Variants in ARHGAP44 observed in about 807,000 individuals in gnomAD.
The protein encoded by ARHGAP44 is Rho GTPase activating protein 44.
Under a neutral mutation model 106.8 loss-of-function variants are expected in ARHGAP44, and 43 were observed. The observed-to-expected ratio is 0.40, with a 90% CI of 0.32 to 0.52. The LOEUF is 0.52. Among genes scored for constraint, ARHGAP44 ranks in the 20% least tolerant of loss-of-function variants. The pLI, the probability that ARHGAP44 is intolerant of heterozygous loss-of-function variation, is 0.48. For missense variants in ARHGAP44, 866 were observed against 1,050.5 expected (o/e 0.82, Z 2.43); for synonymous variants, 439 against 410.3 (o/e 1.07, Z -0.85).
rs1421977965 is a variant in ARHGAP44, at chr17:12,903,138, A to AG, written c.199-5758dup. Among the ~76,000 whole-genome samples the AG allele has an allele frequency of 8.4e-5, 8 of 94,708 alleles. No homozygotes were observed. The Admixed American group carries it at 1.0e-3, about 12-fold the overall frequency. The allele number at this position is 94,708 out of a possible 152,430, so 62.1% of individuals were successfully genotyped here. On this transcript the variant is annotated intron_variant, in intron 3 of 20. Transcript: ENST00000379672. ...AGAGAGAGAGAGAGGAGAGAGAGAG[A>AG]GAGTGTGTGTGTGTGTGTGTGTGTG...
At chr17:12,907,594 G>A (rs1346964768) in intron 3 of ARHGAP44, among the ~76,000 whole-genome samples, 2 of 152,072 alleles carry the variant, frequency 1.3e-5, no homozygotes, top group African/African-American at 4.8e-5. Context: ...TTGTGTCTAG[G>A]TTATTTCACT....
At chr17:12,861,643 A>ATTTTTTTTTTTTTT (rs2036079282) in intron 1 of ARHGAP44, among the ~76,000 whole-genome samples, 1 of 25,266 alleles carries the variant, frequency 4.0e-5, no homozygotes, top group African/African-American at 1.2e-4. Context: ...CTCCTCTTCC[A>ATTTTTTTTTTTTTT]CTTTTTTTTT....
intron 1 of ARHGAP44, among the ~76,000 whole-genome samples, chr17:12,834,837 TCTC>T (rs1428390952): frequency 6.6e-6 from 1 of 151,736 alleles, no homozygotes; most frequent in East Asian, 1.9e-4. Flanking sequence ...GATGCTAGCA[TCTC>T]CTTATTATTA....
intron 1 of ARHGAP44, among the ~76,000 whole-genome samples, chr17:12,861,792 G>A (rs182187075): frequency 1.3e-5 from 2 of 151,798 alleles, no homozygotes; most frequent in Non-Finnish European, 2.9e-5. Flanking sequence ...CCACCACCAC[G>A]CCTGGCTAGT....
rs1427517097 is a variant in ARHGAP44, at chr17:12,944,061, C to T, written c.734-8C>T. ...AGCTGACTGACTCTTTCTCACTCCTCCCCTCAGAGGCCTGGGTAGAGAAGC... is the reference window on the plus strand; with the variant it reads ...AGCTGACTGACTCTTTCTCACTCCTTCCCTCAGAGGCCTGGGTAGAGAAGC... On this transcript the variant is annotated splice_region_variant and splice_polypyrimidine_tract_variant and intron_variant, in intron 9 of 20. Transcript: ENST00000379672. The T allele has an allele frequency of 3.8e-6, 6 of 1,595,442 alleles. No individual in the cohort carries two copies. The highest frequency in any genetic ancestry group is 2.3e-5 in the East Asian group (1 of 44,424).
intron 1 of ARHGAP44, among the ~76,000 whole-genome samples, chr17:12,830,967 G>A (rs184656178): frequency 3.3e-5 from 5 of 152,284 alleles, no homozygotes; most frequent in Non-Finnish European, 7.4e-5. Context: ...CTGGGGACAC[G>A]TCCCCTTCTG....
At chr17:12,828,760 G>A (rs180796403) in intron 1 of ARHGAP44, among the ~76,000 whole-genome samples, 8 of 149,546 alleles carry the variant, frequency 5.3e-5, no homozygotes, top group Admixed American at 4.7e-4. Context: ...TCCTGCCTCA[G>A]CCTGCTGAGT....
Position 12,956,695 on chromosome 17 carries a change from G to A in ARHGAP44, c.1291G>A (p.Val431Ile), listed in dbSNP as rs774835582. ...EMMTTVSLQIVGIIEPIIQHA... is the reference protein window; with the variant it reads ...EMMTTVSLQIIGIIEPIIQHA... ...GATGACCACAGTGTCGCTGCAAATT[G>A]TTGGGATCATTGAACCTATCATCCA... Residue 431 changes from valine (V) to isoleucine (I), a missense_variant, in exon 15 of 21, where the codon GTT becomes ATT. Coordinates refer to ENST00000379672, the MANE Select transcript of ARHGAP44 (RefSeq NM_014859.6). 3 of 1,614,176 alleles carry A rather than the reference G, an allele frequency of 1.9e-6. No individual in the cohort carries two copies. Among genetic ancestry groups the A allele is most frequent in the Non-Finnish European group, 1.7e-6 (2 of 1,180,030 alleles).
intron 12 of ARHGAP44, among the ~76,000 whole-genome samples, 163 bp from the exon 13 acceptor site, chr17:12,952,338 C>T (rs1389760340): frequency 1.3e-5 from 2 of 152,140 alleles, no homozygotes; most frequent in African/African-American, 4.8e-5. Flanking sequence ...AGAAGGAGAA[C>T]ATAGAGGGGT....
rs561840669 is a variant in ARHGAP44 at position 12,954,228 on chromosome 17, G to C, written c.1137-1639G>C. Among the ~76,000 whole-genome samples the C allele has an allele frequency of 3.3e-5, 5 of 152,252 alleles. No individual in the cohort carries two copies. In the East Asian group the frequency reaches 9.7e-4, roughly 29 times the overall value. ...TATTGTTTAATCGGGACAAGGTTTAGCTAGGGAAGATGAAAACATTCAGGA... is the reference window on the plus strand; with the variant it reads ...TATTGTTTAATCGGGACAAGGTTTACCTAGGGAAGATGAAAACATTCAGGA... On this transcript the variant is annotated intron_variant, in intron 13 of 20. Transcript: ENST00000379672.
At chr17:12,975,706 G>A (rs1388974421) in intron 18 of ARHGAP44, among the ~76,000 whole-genome samples, 2 of 148,260 alleles carry the variant, frequency 1.3e-5, no homozygotes, top group African/African-American at 5.0e-5. Flanking sequence ...GCTGAGGCAG[G>A]AGAATGGCGT....
chr17:12,848,508 A>G (rs1448948155), intron 1 of ARHGAP44, among the ~76,000 whole-genome samples: 1 of 152,144 alleles, frequency 6.6e-6, no homozygotes, highest in Non-Finnish European at 1.5e-5. Flanking sequence ...TATTCCTGCT[A>G]ATATGTTTTT....
intron 1 of ARHGAP44, among the ~76,000 whole-genome samples, chr17:12,813,770 A>T (rs904330588): frequency 6.6e-6 from 1 of 151,912 alleles, no homozygotes; most frequent in Non-Finnish European, 1.5e-5. Context: ...TTATGTGCAT[A>T]TATACAAGGA....
chr17:12,935,627 G>A (rs1008191553), intron 7 of ARHGAP44, among the ~76,000 whole-genome samples: 7 of 151,866 alleles, frequency 4.6e-5, no homozygotes, highest in Non-Finnish European at 8.8e-5. Flanking sequence ...AGATAAAGGT[G>A]AGATAAAATT....
intron 7 of ARHGAP44, among the ~76,000 whole-genome samples, chr17:12,932,948 C>T (rs1184149693): frequency 2.0e-5 from 3 of 152,106 alleles, no homozygotes; most frequent in Non-Finnish European, 2.9e-5. Context: ...GTTATCTTGG[C>T]TAGTCTGTTA....
In ARHGAP44 at chr17:12,990,107, T is replaced by G. The variant is rs1421960907; in HGVS notation, c.2393T>G (p.Met798Arg). 5 of 1,613,420 alleles carry G rather than the reference T, an allele frequency of 3.1e-6. No homozygotes were observed. The highest frequency in any genetic ancestry group is 3.4e-6 in the Non-Finnish European group (4 of 1,179,712). ...CTCCGCCTGAGTCCCCTGGAGCACATGCGGCGACACTCAGTAACTGACAAG... is the reference window on the plus strand; with the variant it reads ...CTCCGCCTGAGTCCCCTGGAGCACAGGCGGCGACACTCAGTAACTGACAAG... ...STLRLSPLEH[M>R]RRHSVTDKRD... The change falls in exon 21 of 21, where the codon ATG (methionine) becomes AGG (arginine). Residue 798 changes from methionine to arginine, a missense_variant. Around this residue, in one of 2 missense-constraint regions of ARHGAP44, gnomAD observed 418 missense variants for 403.6 expected, o/e 1.04. Coordinates refer to ENST00000379672, the MANE Select transcript of ARHGAP44 (RefSeq NM_014859.6).
chr17:12,838,481 A>T (rs1312137897), intron 1 of ARHGAP44, among the ~76,000 whole-genome samples: 1 of 152,104 alleles, frequency 6.6e-6, no homozygotes, highest in Non-Finnish European at 1.5e-5. Context: ...CTGATTTTCC[A>T]CACTAGAAAT....
chr17:12,904,138 G>A (rs765375946), intron 3 of ARHGAP44, among the ~76,000 whole-genome samples: 4 of 151,726 alleles, frequency 2.6e-5, no homozygotes, highest in Non-Finnish European at 5.9e-5. Context: ...AGACAGTCTC[G>A]TTCTGTCACC....
At chr17:12,853,853 T>C (rs182709373) in intron 1 of ARHGAP44, among the ~76,000 whole-genome samples, 1 of 152,292 alleles carries the variant, frequency 6.6e-6, no homozygotes, top group Non-Finnish European at 1.5e-5. Context: ...CCCTTCCTTT[T>C]CCCTTCTTCC....
Sources: gnomAD v4.1 joint callset for allele counts (sites outside exome capture counted in the v4.1 genomes callset) on GRCh38, gnomAD v4.1.1 for gene constraint, gnomAD v4.1.1 regional missense constraint, MANE v1.5 for transcripts, NCBI Gene and HGNC (gene_info 2026-07-23, HGNC 2026-07-21) for gene names.